Variants in TCF4 observed in about 807,000 individuals in gnomAD.
TCF4 encodes SL3-3 enhancer factor 2.
TCF4 carries 3 observed loss-of-function variants against 82.1 expected under a neutral mutation model. The ratio of observed to expected loss-of-function variants is 0.04; its 90% CI spans 0.02 to 0.09. The LOEUF (loss-of-function observed/expected upper bound fraction) is 0.09, where lower values mean the gene tolerates loss of function less well. TCF4 is among the 10% of genes least tolerant of loss of function. TCF4 has a pLI of 1.00. For synonymous variants in TCF4, 276 were observed against 309.6 expected (o/e 0.89, Z 1.14); for missense variants, 518 against 852.7 (o/e 0.61, Z 4.89).
chr18:55,468,932 A>C (rs1047791794), intron 3 of TCF4, among the ~76,000 whole-genome samples: 1 of 143,634 alleles, frequency 7.0e-6, no homozygotes, highest in Non-Finnish European at 1.5e-5. Flanking sequence ...TGGGAGAATA[A>C]AGAGAAAGAT....
At chr18:55,613,167 G>GAT (rs112390990) in intron 2 of TCF4, among the ~76,000 whole-genome samples, 100 of 150,526 alleles carry the variant, frequency 6.6e-4, no homozygotes, top group South Asian at 5.9e-3. Flanking sequence ...AATATGCTTT[G>GAT]ATATATATAT....
At chr18:55,436,135 T>C (rs927173352) in intron 5 of TCF4, among the ~76,000 whole-genome samples, 1 of 152,238 alleles carries the variant, frequency 6.6e-6, no homozygotes, top group African/African-American at 2.4e-5. Context: ...AATCCAATTA[T>C]GCAATATGTT....
chr18:55,331,604 C>T (rs933309250), intron 8 of TCF4, among the ~76,000 whole-genome samples: 1 of 152,052 alleles, frequency 6.6e-6, no homozygotes, highest in African/African-American at 2.4e-5. Context: ...AACACGATAG[C>T]CAGCTGTAAC....
intron 3 of TCF4, among the ~76,000 whole-genome samples, chr18:55,479,062 TC>T (rs1394990714): frequency 5.9e-5 from 9 of 152,066 alleles, no homozygotes; most frequent in Non-Finnish European, 1.0e-4. Context: ...TTCCCTTTCT[TC>T]CTCAAACATT....
chr18:55,336,323 G>T (rs2078630017), intron 8 of TCF4, among the ~76,000 whole-genome samples: 1 of 151,698 alleles, frequency 6.6e-6, no homozygotes, highest in African/African-American at 2.4e-5. Flanking sequence ...ACTACTATAT[G>T]AAGTATCTGA....
chr18:55,299,451 CTTTTTTT>C (rs113065305), intron 8 of TCF4, among the ~76,000 whole-genome samples: 3 of 116,788 alleles, frequency 2.6e-5, no homozygotes, highest in African/African-American at 9.6e-5. Context: ...CATGTTTCTG[CTTTTTTT>C]TTTTTTTTTT....
At chr18:55,489,627 A>G (rs1255849861) in intron 3 of TCF4, among the ~76,000 whole-genome samples, 4 of 152,206 alleles carry the variant, frequency 2.6e-5, no homozygotes, top group Non-Finnish European at 5.9e-5. Flanking sequence ...AAAAAACAAA[A>G]GAAACCTTTT....
chr18:55,268,111 T>C (rs2059589530), intron 11 of TCF4: 1 of 152,132 alleles, frequency 6.6e-6, no homozygotes, highest in Non-Finnish European at 1.5e-5. Flanking sequence ...TGCCTCTCTC[T>C]CAAGAGGACT....
At chr18:55,366,446 TTAACTTCATAAAATGCAAA>T (rs533119401) in intron 6 of TCF4, among the ~76,000 whole-genome samples, 153 of 152,362 alleles carry the variant, frequency 1.0e-3, no homozygotes, top group African/African-American at 3.1e-3. Flanking sequence ...ATACACCATA[TTAACTTCATAAAATGCAAA>T]TGATTCTTAA....
intron 5 of TCF4, among the ~76,000 whole-genome samples, chr18:55,459,609 G>A (rs566944884): frequency 1.3e-5 from 2 of 152,250 alleles, no homozygotes; most frequent in Non-Finnish European, 2.9e-5. Flanking sequence ...AAGGGTGTTA[G>A]AAATAAAATC....
intron 6 of TCF4, among the ~76,000 whole-genome samples, chr18:55,367,027 A>G (rs542969094): frequency 1.2e-3 from 181 of 152,324 alleles, no homozygotes; most frequent in Non-Finnish European, 2.1e-3. Context: ...AAAATAATTT[A>G]TGGTTCAATC....
chr18:55,352,396 T>A (rs1324356768), intron 6 of TCF4, among the ~76,000 whole-genome samples: 1 of 152,104 alleles, frequency 6.6e-6, no homozygotes, highest in Non-Finnish European at 1.5e-5. Context: ...TTTCTGAGTG[T>A]TGGATGAGTC....
intron 5 of TCF4, among the ~76,000 whole-genome samples, chr18:55,455,686 T>TA (rs1357312089): frequency 6.6e-6 from 1 of 152,234 alleles, no homozygotes; most frequent in East Asian, 1.9e-4. Flanking sequence ...CTTATGAAGT[T>TA]ACTAAAGATT....
intron 8 of TCF4, among the ~76,000 whole-genome samples, chr18:55,303,394 T>TA (rs757153175): frequency 1.1e-4 from 16 of 152,168 alleles, no homozygotes; most frequent in Admixed American, 3.3e-4. Context: ...GGGTCAGTGT[T>TA]AGTCTATTTA....
At chr18:55,303,286 A>AGCTACTG (rs2068999706) in intron 8 of TCF4, among the ~76,000 whole-genome samples, 1 of 140,470 alleles carries the variant, frequency 7.1e-6, no homozygotes, top group Admixed American at 7.0e-5. Context: ...CACCTGACCC[A>AGCTACTG]GCTACTGGCA....
At chr18:55,494,705 A>G (rs1250973718) in intron 3 of TCF4, among the ~76,000 whole-genome samples, 1 of 152,122 alleles carries the variant, frequency 6.6e-6, no homozygotes, top group Non-Finnish European at 1.5e-5. Context: ...GCAACATTAA[A>G]ACAACCCAGA....
At chr18:55,483,973 T>G (rs1454652510) in intron 3 of TCF4, among the ~76,000 whole-genome samples, 1 of 152,262 alleles carries the variant, frequency 6.6e-6, no homozygotes, top group Non-Finnish European at 1.5e-5. Flanking sequence ...GCACAGTATT[T>G]CATCTTCCTT....
chr18:55,588,415 A>G, upstream of TCF4: 1 of 1,533,830 alleles, frequency 6.5e-7, no homozygotes, highest in Non-Finnish European at 8.7e-7. Context: ...AAAAAAAAAA[A>G]TCTCAACACC....
intron 15 of TCF4, among the ~76,000 whole-genome samples, chr18:55,238,394 T>C (rs1170736528): frequency 1.3e-5 from 2 of 152,216 alleles, no homozygotes; most frequent in Non-Finnish European, 2.9e-5. Flanking sequence ...AGAATGCATT[T>C]ACTAATTTAA....
Sources: allele counts gnomAD v4.1 joint callset (sites outside exome capture counted in the v4.1 genomes callset), GRCh38; gene constraint gnomAD v4.1.1; transcripts MANE v1.5; gene names NCBI Gene and HGNC (gene_info 2026-07-23, HGNC 2026-07-21).